HDAC9: variants seen among roughly 807,000 people sequenced by gnomAD.
The protein encoded by HDAC9 is histone deacetylase 9.
HDAC9 carries 41 observed loss-of-function variants against 139.4 expected under a neutral mutation model. The observed-to-expected ratio is 0.29, with a 90% CI of 0.23 to 0.38. HDAC9 has a LOEUF of 0.38. Among genes scored for constraint, HDAC9 ranks in the 10% least tolerant of loss-of-function variants. The pLI is 1.00. For missense variants in HDAC9, 1,147 were observed against 1,297.0 expected, an observed-to-expected ratio of 0.88 and a Z score of 1.78; for synonymous variants, 517 against 476.2, an observed-to-expected ratio of 1.09 and a Z score of -1.12.
intron 17 of HDAC9, among the ~76,000 whole-genome samples, chr7:18,802,078 G>T (rs1011784256): frequency 6.6e-6 from 1 of 151,328 alleles, no homozygotes; most frequent in Admixed American, 6.6e-5. Context: ...TATTTGGGGG[G>T]AGGTCATATA....
At chr7:18,926,203 T>C (rs1585326063) in intron 22 of HDAC9, among the ~76,000 whole-genome samples, 1 of 152,022 alleles carries the variant, frequency 6.6e-6, no homozygotes, top group East Asian at 1.9e-4. Context: ...ATTGAAAAAT[T>C]AGTAGGGTGT....
intron 1 of HDAC9, among the ~76,000 whole-genome samples, chr7:18,389,342 G>C (rs558858542): frequency 6.6e-6 from 1 of 152,332 alleles, no homozygotes; most frequent in African/African-American, 2.4e-5. Context: ...GAGTCCTGGA[G>C]TTATAGGCAT....
chr7:18,401,876 TC>T (rs1787577128), intron 1 of HDAC9, among the ~76,000 whole-genome samples: 1 of 152,212 alleles, frequency 6.6e-6, no homozygotes, highest in Middle Eastern at 3.2e-3. Flanking sequence ...TTATACTCAT[TC>T]TGAGAAACAC....
intron 23 of HDAC9, among the ~76,000 whole-genome samples, chr7:18,941,953 T>C (rs1210388872): frequency 6.6e-6 from 1 of 152,094 alleles, no homozygotes; most frequent in East Asian, 1.9e-4. Flanking sequence ...ATATAAATTT[T>C]CTATATAGTC....
At chr7:18,481,305 G>A (rs1279803363) in intron 1 of HDAC9, among the ~76,000 whole-genome samples, 1 of 152,130 alleles carries the variant, frequency 6.6e-6, no homozygotes, top group South Asian at 2.1e-4. Context: ...TTGTTATTTA[G>A]AGTACATATT....
chr7:18,114,839 G>T (rs1195885812), intron 1 of HDAC9, among the ~76,000 whole-genome samples: 4 of 152,180 alleles, frequency 2.6e-5, no homozygotes, highest in African/African-American at 7.2e-5. Flanking sequence ...GTGGTTTTCC[G>T]TTTTGTGTGG....
chr7:18,514,126 T>G (rs1389563819), intron 2 of HDAC9, among the ~76,000 whole-genome samples: 2 of 152,226 alleles, frequency 1.3e-5, no homozygotes, highest in Admixed American at 1.3e-4. Flanking sequence ...GAGTCAATCT[T>G]TCTTTTTCTG....
At chr7:18,936,670 C>T (rs561781533) in intron 23 of HDAC9, among the ~76,000 whole-genome samples, 1 of 152,144 alleles carries the variant, frequency 6.6e-6, no homozygotes, top group African/African-American at 2.4e-5. Flanking sequence ...AATCTATTTT[C>T]TATAGTGATT....
chr7:18,955,813 C>A (rs1004148373), intron 24 of HDAC9, among the ~76,000 whole-genome samples: 1 of 152,036 alleles, frequency 6.6e-6, no homozygotes, highest in African/African-American at 2.4e-5. Flanking sequence ...GGTGATATAG[C>A]CTGAGCTTGG....
chr7:18,724,141 T>C (rs1412879754), intron 12 of HDAC9, among the ~76,000 whole-genome samples: 4 of 152,176 alleles, frequency 2.6e-5, no homozygotes, highest in African/African-American at 9.7e-5. Flanking sequence ...ATCACTTTCT[T>C]AAACAAAATT....
intron 12 of HDAC9, among the ~76,000 whole-genome samples, chr7:18,712,291 G>A (rs751035415): frequency 5.3e-5 from 8 of 151,960 alleles, no homozygotes; most frequent in African/African-American, 9.7e-5. Context: ...TTTCATCAGC[G>A]GCAACAACCT....
rs1563077235 is a variant in HDAC9, at chr7:18,946,036, C to CAAAATAAAAAAAAAAAAA, written c.2938-8106_2938-8105insTAAAAAAAAAAAAAAAAA. ...TGGGTGATAGTACAAGACTCCGTCT[C>CAAAATAAAAAAAAAAAAA]AAAAAAAAAAAAAAAAAAAAAAAAA... On this transcript the variant is annotated intron_variant, in intron 23 of 25. Transcript: ENST00000686413. Among the ~76,000 whole-genome samples, 11 of 38,260 alleles carry CAAAATAAAAAAAAAAAAA rather than the reference C, an allele frequency of 2.9e-4. 1 individual carries two copies. The highest frequency in any genetic ancestry group is 1.8e-3 in the Admixed American group (3 of 1,658). 25.1% of individuals were successfully genotyped at this position (38,260 alleles called of 152,430 possible).
chr7:18,257,277 G>C (rs780854027), intron 2 of HDAC9, among the ~76,000 whole-genome samples: 76 of 57,516 alleles, frequency 1.3e-3, no homozygotes, highest in Admixed American at 5.6e-3. Flanking sequence ...GAGGAGGATC[G>C]CTTGAGCTCA....
intron 2 of HDAC9, among the ~76,000 whole-genome samples, chr7:18,170,798 GT>G (rs1788371486): frequency 6.6e-6 from 1 of 152,076 alleles, no homozygotes; most frequent in Admixed American, 6.5e-5. Flanking sequence ...CTGTTCCATT[GT>G]TCTATATCTC....
intron 2 of HDAC9, among the ~76,000 whole-genome samples, chr7:18,211,763 G>A (rs1229260928): frequency 1.3e-5 from 2 of 152,156 alleles, no homozygotes; most frequent in Non-Finnish European, 1.5e-5. Flanking sequence ...TGTGATTATT[G>A]TGGTGAATAC....
Position 18,563,659 on chromosome 7 carries a change from T to G in HDAC9, c.23-21622T>G, listed in dbSNP as rs1028417660. Reference sequence around the variant, plus strand: ...TAGTTATCTATTCAAATCATCAGTATTTGCCCATATCATACTCTATATCTT... The same window carrying G: ...TAGTTATCTATTCAAATCATCAGTAGTTGCCCATATCATACTCTATATCTT... On this transcript the variant is annotated intron_variant, in intron 2 of 25. Coordinates refer to ENST00000686413, the MANE Select transcript of HDAC9 (RefSeq NM_178425.4). Among the ~76,000 whole-genome samples, 7 of 152,156 alleles carry G rather than the reference T, an allele frequency of 4.6e-5. No individual in the cohort carries two copies. The East Asian group carries it at 1.2e-3, about 25-fold the overall frequency.
At chr7:18,702,251 T>G (rs212671) in intron 12 of HDAC9, among the ~76,000 whole-genome samples, 68,375 of 151,996 alleles carry the variant, frequency 0.45, 17,958 homozygotes, top group African/African-American at 0.73. Flanking sequence ...ATTTCCGTGC[T>G]TACTGACAAC....
intron 21 of HDAC9, among the ~76,000 whole-genome samples, chr7:18,855,722 G>T (rs560766003): frequency 3.3e-5 from 5 of 151,882 alleles, no homozygotes; most frequent in African/African-American, 1.2e-4. Flanking sequence ...GGTGGAGAGG[G>T]GAAGAAAAGA....
intron 6 of HDAC9, among the ~76,000 whole-genome samples, chr7:18,623,485 T>G (rs1840785945): frequency 6.6e-6 from 1 of 152,216 alleles, no homozygotes; most frequent in African/African-American, 2.4e-5. Context: ...TCATGAAACA[T>G]TCATTCAACA....
Sources: gnomAD v4.1 joint callset for allele counts (sites outside exome capture counted in the v4.1 genomes callset) on GRCh38, gnomAD v4.1.1 for gene constraint, MANE v1.5 for transcripts, NCBI Gene and HGNC (gene_info 2026-07-23, HGNC 2026-07-21) for gene names.